RNF38: variants seen among roughly 807,000 people sequenced by gnomAD.
RNF38 encodes ring finger protein 38, also known as E3 ubiquitin-protein ligase RNF38.
In RNF38, 15 loss-of-function variants were observed where a neutral mutation model predicts 67.2. The observed-to-expected ratio is 0.22, with a 90% CI of 0.15 to 0.34. RNF38 has a LOEUF of 0.34. RNF38 is among the 10% of genes least tolerant of loss of function. The pLI is 1.00. For missense variants in RNF38, 524 were observed against 639.9 expected (o/e 0.82, Z 1.95); for synonymous variants, 220 against 218.8 (o/e 1.01, Z -0.05).
At chr9:36,482,987 ATCTTGG>A (rs1214936810) in intron 1 of RNF38, among the ~76,000 whole-genome samples, 1 of 152,208 alleles carries the variant, frequency 6.6e-6, no homozygotes, top group Admixed American at 6.5e-5. Context: ...CCAGGTACTC[ATCTTGG>A]TAAGTGGAGT....
intron 9 of RNF38, among the ~76,000 whole-genome samples, chr9:36,346,711 A>G (rs1833265874): frequency 2.6e-5 from 4 of 152,268 alleles, no homozygotes; most frequent in Admixed American, 2.6e-4. Context: ...TGTGTGTTTT[A>G]TTATGATACT....
At chr9:36,487,513 T>A in exon 1 of RNF38, 34 of 979,480 alleles carry the variant, frequency 3.5e-5, no homozygotes, top group Non-Finnish European at 4.1e-5. Flanking sequence ...CGGCGGCGGC[T>A]GCTGAGGCGG....
chr9:36,399,563 A>G (rs2480457), intron 1 of RNF38, among the ~76,000 whole-genome samples: 8,207 of 150,430 alleles, frequency 0.055, 691 homozygotes, highest in African/African-American at 0.18. Context: ...CAGAGAAAGG[A>G]GTATCTGAAG....
At chr9:36,401,186 C>T (rs1838009954), upstream of RNF38, 3 of 977,728 alleles carry the variant, frequency 3.1e-6, no homozygotes, top group Non-Finnish European at 3.6e-6. Flanking sequence ...TTGTTTCCAC[C>T]CCGAGGGGGA....
chr9:36,421,664 AAAAATAAAAATAAATAAAT>A (rs1838631731), intron 2 of RNF38, among the ~76,000 whole-genome samples: 1 of 152,176 alleles, frequency 6.6e-6, no homozygotes, highest in Non-Finnish European at 1.5e-5. Flanking sequence ...ACTCTGTCTG[AAAAATAAAAATAAATAAAT>A]AAAATAAAAA....
intron 1 of RNF38, among the ~76,000 whole-genome samples, chr9:36,485,917 C>T (rs1368614685): frequency 6.6e-6 from 1 of 152,132 alleles, no homozygotes; most frequent in African/African-American, 2.4e-5. Context: ...TAGAACGTTT[C>T]TATAAAAGTA....
chr9:36,476,381 G>A (rs1840120943), intron 1 of RNF38, among the ~76,000 whole-genome samples: 1 of 152,088 alleles, frequency 6.6e-6, no homozygotes, highest in South Asian at 2.1e-4. Flanking sequence ...CAAAGTGCTA[G>A]GATTATAGGC....
chr9:36,424,461 T>A (rs1327918059), intron 2 of RNF38, among the ~76,000 whole-genome samples: 7 of 152,162 alleles, frequency 4.6e-5, no homozygotes, highest in Non-Finnish European at 1.0e-4. Flanking sequence ...GTCAATAATT[T>A]GACACACAAA....
intron 4 of RNF38, among the ~76,000 whole-genome samples, chr9:36,365,280 C>T (rs938247542): frequency 4.6e-5 from 7 of 152,060 alleles, no homozygotes; most frequent in African/African-American, 1.4e-4. Context: ...AATAAGTTTT[C>T]CTGTGGTCAG....
intron 1 of RNF38, among the ~76,000 whole-genome samples, chr9:36,480,386 T>C (rs1840222810): frequency 6.6e-6 from 1 of 152,056 alleles, no homozygotes; most frequent in Non-Finnish European, 1.5e-5. Flanking sequence ...TAAAACAAAT[T>C]TCAACAGAAG....
At chr9:36,424,604 G>A (rs990798555) in intron 2 of RNF38, 5 of 984,132 alleles carry the variant, frequency 5.1e-6, no homozygotes, top group Non-Finnish European at 6.0e-6. Flanking sequence ...ACATCAACAC[G>A]AACCTCACCT....
At chr9:36,353,376 A>G in intron 6 of RNF38, 45 bp from the exon 7 acceptor site, 1 of 1,273,772 alleles carries the variant, frequency 7.9e-7, no homozygotes, top group Non-Finnish European at 1.1e-6. Context: ...ATATATATAT[A>G]CTTCCTGTGT....
In RNF38 at chr9:36,352,320, A is replaced by C. The variant is rs140889366; in HGVS notation, c.1178+422T>G. 2.7e-3 allele frequency among the ~76,000 whole-genome samples: 416 copies of C among 152,074 alleles called. 2 individuals are homozygous for C. Among genetic ancestry groups the C allele is most frequent in the African/African-American group, 8.7e-3 (362 of 41,482 alleles). On this transcript the variant is annotated intron_variant, in intron 8 of 11. Coordinates refer to ENST00000259605, the MANE Select transcript of RNF38 (RefSeq NM_022781.5). Reference sequence around the variant, plus strand: ...ACTCCATCTCAAATTAAAAAAAAAAAACAACAAACCTACCCATGGGAATTT... The same window carrying C: ...ACTCCATCTCAAATTAAAAAAAAAACACAACAAACCTACCCATGGGAATTT...
chr9:36,380,094 G>C (rs1836098342), intron 2 of RNF38, among the ~76,000 whole-genome samples: 1 of 152,194 alleles, frequency 6.6e-6, no homozygotes, highest in Admixed American at 6.5e-5. Context: ...CAGAATGGAA[G>C]TATAAACTCT....
chr9:36,390,831 A>G (rs1837024412), intron 1 of RNF38, among the ~76,000 whole-genome samples: 1 of 152,202 alleles, frequency 6.6e-6, no homozygotes, highest in Admixed American at 6.5e-5. Context: ...TTGGAGGCAA[A>G]ACAGCACAGC....
intron 1 of RNF38, among the ~76,000 whole-genome samples, chr9:36,465,833 G>A (rs907859148): frequency 3.3e-5 from 5 of 152,006 alleles, no homozygotes; most frequent in African/African-American, 7.2e-5. Flanking sequence ...GGTGGATCAC[G>A]AGGTCAGGAG....
At position 36,433,230 on chromosome 9, in the gene RNF38, T is replaced by C. The variant is rs146690256; in HGVS notation, n.242-8547A>G. Reference sequence around the variant, plus strand: ...ATCTGACAGCACAACAGGGTGACTATAGTCAACATAAGTTTAATTATACAT... The same window carrying C: ...ATCTGACAGCACAACAGGGTGACTACAGTCAACATAAGTTTAATTATACAT... On this transcript the variant is annotated intron_variant and non_coding_transcript_variant, in intron 1 of 3. Transcript: ENST00000488058. Among the ~76,000 whole-genome samples the C allele has an allele frequency of 1.2e-4, 18 of 151,156 alleles. No homozygotes were observed. In the East Asian group the frequency reaches 3.1e-3, roughly 26 times the overall value.
chr9:36,486,909 G>A (rs1470506914), intron 1 of RNF38, among the ~76,000 whole-genome samples: 1 of 152,072 alleles, frequency 6.6e-6, no homozygotes, highest in African/African-American at 2.4e-5. Flanking sequence ...CTGGGGGCCG[G>A]GGGATCGACC....
intron 1 of RNF38, among the ~76,000 whole-genome samples, chr9:36,429,872 G>T (rs1188583876): frequency 6.6e-6 from 1 of 152,048 alleles, no homozygotes; most frequent in African/African-American, 2.4e-5. Context: ...CTGTAGTATT[G>T]TTGTTTTTAT....
Sources: gnomAD v4.1 joint callset for allele counts (sites outside exome capture counted in the v4.1 genomes callset) on GRCh38, gnomAD v4.1.1 for gene constraint, MANE v1.5 for transcripts, NCBI Gene and HGNC (gene_info 2026-07-23, HGNC 2026-07-21) for gene names.